DGKE: variants seen among roughly 807,000 people sequenced by gnomAD.
DGKE encodes the protein DAG kinase epsilon.
A neutral mutation model predicts 70.0 loss-of-function variants in DGKE; 53 were observed. That is an observed-to-expected ratio of 0.76 (90% CI 0.61 to 0.95). The LOEUF (loss-of-function observed/expected upper bound fraction) is 0.95, where lower values mean the gene tolerates loss of function less well. Ranked by LOEUF, DGKE falls within the 40% of genes least tolerant of loss-of-function variation. The pLI, the probability that DGKE is intolerant of heterozygous loss-of-function variation, is 0.00. For missense variants in DGKE, 655 were observed against 706.9 expected, an observed-to-expected ratio of 0.93 and a Z score of 0.83; for synonymous variants, 291 against 257.0, an observed-to-expected ratio of 1.13 and a Z score of -1.27.
chr17:56,859,193 C>T (rs1214143781), intron 9 of DGKE, among the ~76,000 whole-genome samples: 14 of 149,834 alleles, frequency 9.3e-5, no homozygotes, highest in Non-Finnish European at 1.5e-4. Flanking sequence ...GGCGTGGTGG[C>T]GGGCGCCTGT....
chr17:56,834,748 G>C (rs1252665094), intron 1 of DGKE, 30 bp from the exon 2 acceptor site: 1 of 1,530,348 alleles, frequency 6.5e-7, no homozygotes, highest in Admixed American at 1.9e-5. Flanking sequence ...GGCGAGCTCG[G>C]GGTGCACCGC....
chr17:56,852,728 A>T (rs528449223), intron 7 of DGKE, among the ~76,000 whole-genome samples: 1 of 152,320 alleles, frequency 6.6e-6, no homozygotes, highest in East Asian at 1.9e-4. Flanking sequence ...TTAAAGATGT[A>T]TTTCTCTTTT....
Position 56,863,536 on chromosome 17 carries a change from T to TA in DGKE, c.*746dup, listed in dbSNP as rs1202841644. The TA allele has an allele frequency of 1.4e-4, 21 of 152,354 alleles. No individual in the cohort carries two copies. Among genetic ancestry groups the TA allele is most frequent in the Admixed American group, 1.2e-3 (18 of 15,308 alleles). 9.4% of individuals were successfully genotyped at this position (152,354 alleles called of 1,614,324 possible). A position where few individuals can be genotyped will look rare whatever the true frequency, so the allele number is the denominator to read the frequency against. On this transcript the variant is annotated 3_prime_UTR_variant, in exon 12 of 12. Coordinates refer to ENST00000284061, the MANE Select transcript of DGKE (RefSeq NM_003647.3). Reference sequence around the variant, plus strand: ...ATTCAGAGCACTTGGGATTGTAAGTTATAGGTTCTGAGCTGAACTGTTTAT... The same window carrying TA: ...ATTCAGAGCACTTGGGATTGTAAGTTAATAGGTTCTGAGCTGAACTGTTTAT...
intron 11 of DGKE, 131 bp from the exon 12 acceptor site, chr17:56,862,481 A>G: frequency 6.4e-6 from 6 of 942,168 alleles, no homozygotes; most frequent in Non-Finnish European, 9.1e-6. Context: ...ATGAATAAAA[A>G]CATATTCAGA....
In DGKE at chr17:56,834,205, C is replaced by T. The variant is rs555231499; in HGVS notation, c.-74C>T. The T allele has an allele frequency of 1.5e-3, 227 of 152,576 alleles. 1 individual carries two copies. The highest frequency in any genetic ancestry group is 2.5e-3 in the Non-Finnish European group (171 of 68,252). The allele number at this position is 152,576 out of a possible 1,614,324, so 9.5% of individuals were successfully genotyped here. A position where few individuals can be genotyped will look rare whatever the true frequency, so the allele number is the denominator to read the frequency against. On this transcript the variant is annotated 5_prime_UTR_variant, in exon 1 of 12. Coordinates refer to ENST00000284061, the MANE Select transcript of DGKE (RefSeq NM_003647.3). ...GCTGGCGGCCCAGCGTCGTTCTCCTCCTGCGCGAGGCGGCCAAGGCCTGCT... is the reference window on the plus strand; with the variant it reads ...GCTGGCGGCCCAGCGTCGTTCTCCTTCTGCGCGAGGCGGCCAAGGCCTGCT...
Position 56,861,864 on chromosome 17 carries a change from G to A in DGKE, c.1358G>A (p.Gly453Asp). 6.2e-7 allele frequency: 1 copy of A among 1,613,998 alleles called. No homozygotes were observed. Among genetic ancestry groups the A allele is most frequent in the Non-Finnish European group, 8.5e-7 (1 of 1,179,982 alleles). Residue 453 changes from glycine (G) to aspartate (D), a missense_variant, in exon 10 of 12, where the codon GGC becomes GAC. Gly to Asp is a moderately conservative substitution (Grantham distance 94). Coordinates refer to ENST00000284061, the MANE Select transcript of DGKE (RefSeq NM_003647.3). The stretch of plus-strand genomic sequence containing the variant: ...ATAGTTCTGAACATCGGATACTGGG[G>A]CGGTGGCTGCAGACTATGGGAAGGG... Reference protein sequence around the residue: ...GIIVLNIGYWGGGCRLWEGMG... With the variant: ...GIIVLNIGYWDGGCRLWEGMG...
chr17:56,846,101 C>A (rs1439035687), intron 4 of DGKE: 2 of 191,788 alleles, frequency 1.0e-5, no homozygotes, highest in Non-Finnish European at 2.1e-5. Flanking sequence ...ATATTTCTCA[C>A]AAACATTTGC....
rs1314339753 is a variant in DGKE at position 56,865,127 on chromosome 17, G to A, written c.*2336G>A. 1 of 152,112 alleles carries A rather than the reference G, an allele frequency of 6.6e-6. No individual in the cohort carries two copies. Among genetic ancestry groups the A allele is most frequent in the Non-Finnish European group, 1.5e-5 (1 of 67,996 alleles). The allele number at this position is 152,112 out of a possible 1,614,324, so 9.4% of individuals were successfully genotyped here. On this transcript the variant is annotated 3_prime_UTR_variant, in exon 12 of 12. Transcript: ENST00000284061. ...CATTTACCCAGCATTTCAAATAAGT[G>A]TATAGGCATGTGCCTTGTTTAAGTA...
chr17:56,862,274 A>G, intron 11 of DGKE, 23 bp downstream of exon 11: 3 of 1,590,920 alleles, frequency 1.9e-6, no homozygotes, highest in Non-Finnish European at 2.6e-6. Context: ...TAGCTGTAAC[A>G]GGCTAATTTG....
chr17:56,848,798 C>G lies in DGKE; in HGVS notation c.991C>G (p.Pro331Ala), dbSNP rs1029933578. 7 of 1,614,144 alleles carry G rather than the reference C, an allele frequency of 4.3e-6. No homozygotes were observed. The highest frequency in any genetic ancestry group is 5.9e-6 in the Non-Finnish European group (7 of 1,180,020). ...GGGTACAGGTTATGCTGGAGAAATT[C>G]CAGTTGCGCAGGTTTTGCGAAATGT... Reference protein sequence around the residue: ...GWGTGYAGEIPVAQVLRNVME... With the variant: ...GWGTGYAGEIAVAQVLRNVME... Residue 331 changes from proline to alanine, a missense_variant, in exon 6 of 12, where the codon CCA (proline) becomes GCA (alanine). Physicochemically the swap from Pro to Ala is conservative, Grantham distance 27 (BLOSUM62 -1). Transcript: ENST00000284061.
At position 56,835,071 on chromosome 17, in the gene DGKE, C is replaced by T. The variant is rs767609629; in HGVS notation, c.276C>T (p.Leu92=). 6.2e-7 allele frequency: 1 copy of T among 1,613,416 alleles called. No homozygotes were observed. The highest frequency in any genetic ancestry group is 2.2e-5 in the East Asian group (1 of 44,878). The part of the protein sequence containing the change: ...LQGAFCDCCG[L]RVDEGCLRKA... Reference sequence around the variant, plus strand: ...GCGCCTTCTGCGACTGCTGCGGGCTCCGCGTGGACGAGGGCTGCCTCAGGA... The same window carrying T: ...GCGCCTTCTGCGACTGCTGCGGGCTTCGCGTGGACGAGGGCTGCCTCAGGA... The change falls in exon 2 of 12, where the codon CTC becomes CTT. Residue 92 remains leucine, a synonymous_variant. Coordinates refer to ENST00000284061, the MANE Select transcript of DGKE (RefSeq NM_003647.3).
Position 56,835,206 on chromosome 17 carries a change from C to T in DGKE, c.411C>T (p.Tyr137=), listed in dbSNP as rs1567807518. 6.2e-7 allele frequency: 1 copy of T among 1,613,778 alleles called. No individual in the cohort carries two copies. Among genetic ancestry groups the T allele is most frequent in the Admixed American group, 1.7e-5 (1 of 59,964 alleles). The part of the protein sequence containing the change: ...WIRGNVPLCS[Y]CMVCKQQCGC... ...GGGGCAACGTGCCCCTGTGCAGTTACTGTATGGTTTGCAAGCAGCAGTGTG... is the reference window on the plus strand; with the variant it reads ...GGGGCAACGTGCCCCTGTGCAGTTATTGTATGGTTTGCAAGCAGCAGTGTG... The change falls in exon 2 of 12, where the codon TAC becomes TAT. Residue 137 remains tyrosine (Y), a synonymous_variant. Transcript: ENST00000284061.
chr17:56,858,071 CAA>C (rs11449627), intron 8 of DGKE, among the ~76,000 whole-genome samples: 5 of 100,520 alleles, frequency 5.0e-5, no homozygotes, highest in African/African-American at 7.8e-5. Context: ...GACTCCATCT[CAA>C]AAAAAAAAAA....
chr17:56,838,283 A>G (rs540404502), intron 2 of DGKE, among the ~76,000 whole-genome samples: 22 of 152,198 alleles, frequency 1.4e-4, no homozygotes, highest in African/African-American at 2.4e-4. Context: ...TCTATATTCT[A>G]TTGGTGTGTG....
intron 2 of DGKE, among the ~76,000 whole-genome samples, chr17:56,838,927 G>A (rs886204744): frequency 6.6e-6 from 1 of 152,110 alleles, no homozygotes; most frequent in Non-Finnish European, 1.5e-5. Flanking sequence ...ATGTATTCAG[G>A]AAGTATTCTG....
At chr17:56,853,145 T>C (rs1907751646) in intron 7 of DGKE, among the ~76,000 whole-genome samples, 1 of 152,222 alleles carries the variant, frequency 6.6e-6, no homozygotes, top group South Asian at 2.1e-4. Flanking sequence ...AATAAGATTA[T>C]TGGTTGTTAT....
Position 56,861,724 on chromosome 17 carries a change from A to C in DGKE, c.1285-67A>C, listed in dbSNP as rs558976328. On this transcript the variant is annotated intron_variant, in intron 9 of 11. Coordinates refer to ENST00000284061, the MANE Select transcript of DGKE (RefSeq NM_003647.3). Reference sequence around the variant, plus strand: ...AAGCACATTTATGAAAATAGATGTGAATTCTAAATGGATGTGTGTGGAAAT... The same window carrying C: ...AAGCACATTTATGAAAATAGATGTGCATTCTAAATGGATGTGTGTGGAAAT... The C allele has an allele frequency of 3.1e-6, 5 of 1,588,528 alleles. No individual in the cohort carries two copies. The African/African-American group carries it at 5.4e-5, about 17-fold the overall frequency.
intron 7 of DGKE, among the ~76,000 whole-genome samples, chr17:56,856,135 G>A (rs1204363975): frequency 1.3e-5 from 2 of 152,110 alleles, no homozygotes; most frequent in Admixed American, 6.6e-5. Flanking sequence ...GATAAATTAA[G>A]GTGAGACCAG....
At chr17:56,849,088 T>C (rs949465927) in intron 6 of DGKE, 93 bp from the exon 7 acceptor site, 5 of 1,327,736 alleles carry the variant, frequency 3.8e-6, no homozygotes, top group Non-Finnish European at 5.2e-6. Flanking sequence ...CTTTTGTAGA[T>C]GGTATTTTAA....
Sources: allele counts gnomAD v4.1 joint callset (sites outside exome capture counted in the v4.1 genomes callset), GRCh38; gene constraint gnomAD v4.1.1; transcripts MANE v1.5; gene names NCBI Gene and HGNC (gene_info 2026-07-23, HGNC 2026-07-21).